DCHS2: variants seen among roughly 807,000 people sequenced by gnomAD.
The protein encoded by DCHS2 is protocadherin-23.
DCHS2 carries 142 observed loss-of-function variants against 182.4 expected under a neutral mutation model. That is an observed-to-expected ratio of 0.78 (90% CI 0.68 to 0.89). The LOEUF (loss-of-function observed/expected upper bound fraction) is 0.89, where lower values mean the gene tolerates loss of function less well. DCHS2 is among the 40% of genes least tolerant of loss of function. The pLI is 0.00. For missense variants in DCHS2, 4,319 were observed against 4,198.6 expected (o/e 1.03, Z -0.79); for synonymous variants, 1,740 against 1,663.3 (o/e 1.05, Z -1.12).
intron 1 of DCHS2, among the ~76,000 whole-genome samples, chr4:154,460,112 T>C (rs1734951934): frequency 6.6e-6 from 1 of 152,192 alleles, no homozygotes; most frequent in African/African-American, 2.4e-5. Context: ...TGAGCTTCAG[T>C]GCCTCATCTT....
intron 1 of DCHS2, among the ~76,000 whole-genome samples, chr4:154,461,908 G>C (rs1329089742): frequency 6.6e-6 from 1 of 152,148 alleles, no homozygotes; most frequent in Non-Finnish European, 1.5e-5. Flanking sequence ...ACTTTCCAAG[G>C]CTTCCCAGAA....
Position 154,298,145 on chromosome 4 carries a change from T to C in DCHS2, c.6169A>G (p.Thr2057Ala), listed in dbSNP as rs758323484. 19 of 1,613,954 alleles carry C rather than the reference T, an allele frequency of 1.2e-5. No individual in the cohort carries two copies. In the Admixed American group the frequency reaches 1.5e-4, roughly 13 times the overall value. The change falls in exon 13 of 20, where the codon ACT becomes GCT. Residue 2057 changes from threonine (T) to alanine (A), a missense_variant. Physicochemically the swap from Thr to Ala is moderately conservative, Grantham distance 58. Transcript: ENST00000357232. ...AGGTCATCAGCTCTCACAATGACAG[T>C]TGTCTGGTTTGTAGGCGACTCGGGG... ...LSPESPTNQTTVIVRADDLDL... is the reference protein window; with the variant it reads ...LSPESPTNQTAVIVRADDLDL...
At chr4:154,384,726 G>A (rs1413869933) in intron 1 of DCHS2, among the ~76,000 whole-genome samples, 1 of 152,002 alleles carries the variant, frequency 6.6e-6, no homozygotes, top group East Asian at 1.9e-4. Context: ...TGTGACCAGG[G>A]AAGCAGAGAT....
chr4:154,444,815 C>T (rs4267717), intron 1 of DCHS2, among the ~76,000 whole-genome samples: 45,827 of 152,138 alleles, frequency 0.3, 7,935 homozygotes, highest in Admixed American at 0.45. Flanking sequence ...GGCCCCTGAC[C>T]ATCTCTCCAC....
intron 13 of DCHS2, among the ~76,000 whole-genome samples, chr4:154,290,380 A>T (rs1458648598): frequency 6.6e-6 from 1 of 152,018 alleles, no homozygotes; most frequent in Non-Finnish European, 1.5e-5. Flanking sequence ...AAGCAACCTA[A>T]AGATTCAATG....
At chr4:154,332,341 C>A in intron 5 of DCHS2, 137 bp downstream of exon 5, 2 of 672,492 alleles carry the variant, frequency 3.0e-6, no homozygotes, top group Admixed American at 6.2e-5. Flanking sequence ...CATGTATGCA[C>A]TAATGCTATA....
At chr4:154,362,709 C>T (rs946876000) in intron 3 of DCHS2, among the ~76,000 whole-genome samples, 11 of 152,118 alleles carry the variant, frequency 7.2e-5, no homozygotes, top group South Asian at 4.2e-4. Context: ...CTACCACCTC[C>T]GACACCCACG....
At chr4:154,271,388 C>T (rs1004401182) in intron 13 of DCHS2, among the ~76,000 whole-genome samples, 1 of 152,084 alleles carries the variant, frequency 6.6e-6, no homozygotes, top group African/African-American at 2.4e-5. Context: ...CAATGCATAA[C>T]CAAGGGAGTG....
Position 154,491,252 on chromosome 4 carries a change from C to G in DCHS2, c.104G>C (p.Arg35Pro), listed in dbSNP as rs540887773. ...LPGRRDTPHG[R>P]SGSSGARTQR... ...CGTCCTGGCGCCGCTGCTGCCTGAC[C>G]GCCCATGGGGTGTATCTCTCCTCCC... The change falls in exon 1 of 20, where the codon CGG becomes CCG. Residue 35 changes from arginine (R) to proline (P), a missense_variant. Transcript: ENST00000357232. 1 of 1,551,380 alleles carries G rather than the reference C, an allele frequency of 6.4e-7. No individual in the cohort carries two copies. Among genetic ancestry groups the G allele is most frequent in the Non-Finnish European group, 8.7e-7 (1 of 1,146,978 alleles).
At chr4:154,395,258 T>C (rs563527758) in intron 1 of DCHS2, among the ~76,000 whole-genome samples, 1 of 152,176 alleles carries the variant, frequency 6.6e-6, no homozygotes, top group South Asian at 2.1e-4. Context: ...ATTTAAACAC[T>C]GAACACCTGC....
rs141998004 is a variant in DCHS2, at chr4:154,235,871, T to G, written c.8781A>C (p.Ser2927=). ...AAATATTTCCATTGGTTTTATTTACTGAAAAGAAAGGAGATGAGGTTCCAA... is the reference window on the plus strand; with the variant it reads ...AAATATTTCCATTGGTTTTATTTACGGAAAAGAAAGGAGATGAGGTTCCAA... ...YSLGTSSPFF[S]VNKTNGNIYL... is the part of the protein sequence containing the mutation. The change falls in exon 20 of 20, where the codon TCA becomes TCC. Residue 2927 remains serine, a synonymous_variant. Coordinates refer to ENST00000357232, the MANE Select transcript of DCHS2 (RefSeq NM_001358235.2). 5.9e-5 allele frequency: 95 copies of G among 1,613,942 alleles called. No homozygotes were observed. The highest frequency in any genetic ancestry group is 6.8e-5 in the Non-Finnish European group (80 of 1,179,978).
chr4:154,305,740 C>G (rs896284729), intron 10 of DCHS2, among the ~76,000 whole-genome samples: 1 of 152,136 alleles, frequency 6.6e-6, no homozygotes, highest in Non-Finnish European at 1.5e-5. Context: ...GTTCAGTCTG[C>G]TATCTGGAGT....
At chr4:154,341,019 G>A (rs6815049) in intron 3 of DCHS2, among the ~76,000 whole-genome samples, 86,298 of 151,990 alleles carry the variant, frequency 0.57, 24,915 homozygotes, top group Admixed American at 0.65. Context: ...GAATTTATGT[G>A]GGGGGAGAAT....
chr4:154,297,061 T>A (rs548329421), intron 13 of DCHS2, among the ~76,000 whole-genome samples: 58 of 152,284 alleles, frequency 3.8e-4, no homozygotes, highest in Non-Finnish European at 6.3e-4. Flanking sequence ...GATCTGGCAG[T>A]TTGTAATGAG....
intron 10 of DCHS2, among the ~76,000 whole-genome samples, chr4:154,309,342 A>T (rs910679337): frequency 3.3e-5 from 5 of 152,198 alleles, no homozygotes; most frequent in African/African-American, 1.2e-4. Flanking sequence ...GAAGGAGACC[A>T]AAAGTCAGAA....
intron 1 of DCHS2, among the ~76,000 whole-genome samples, chr4:154,432,389 C>G (rs1009008387): frequency 6.6e-6 from 1 of 152,006 alleles, no homozygotes; most frequent in South Asian, 2.1e-4. Flanking sequence ...TTAAAACAAG[C>G]CACATAACTT....
rs543921214 is a variant in DCHS2 at position 154,298,987 on chromosome 4, C to T, written c.5606-279G>A. Among the ~76,000 whole-genome samples the T allele has an allele frequency of 3.3e-5, 5 of 152,090 alleles. No individual in the cohort carries two copies. The South Asian group carries it at 8.3e-4, about 25-fold the overall frequency. ...ACACTTGCTTTCACTAATTTGCAGC[C>T]GTATGATTTTTTGTGTGCATCTACA... On this transcript the variant is annotated intron_variant, in intron 12 of 19. Coordinates refer to ENST00000357232, the MANE Select transcript of DCHS2 (RefSeq NM_001358235.2).
intron 13 of DCHS2, among the ~76,000 whole-genome samples, chr4:154,276,078 A>G (rs1219548399): frequency 6.6e-6 from 1 of 152,158 alleles, no homozygotes; most frequent in African/African-American, 2.4e-5. Context: ...AAGGGACTTG[A>G]ATCCTTCTTG....
intron 13 of DCHS2, among the ~76,000 whole-genome samples, chr4:154,279,996 G>C: frequency 6.6e-6 from 1 of 151,606 alleles, no homozygotes; most frequent in Admixed American, 6.6e-5. Context: ...GACAGAGACA[G>C]AGAAAGAGAG....
Sources: gnomAD v4.1 joint callset for allele counts (sites outside exome capture counted in the v4.1 genomes callset) on GRCh38, gnomAD v4.1.1 for gene constraint, MANE v1.5 for transcripts, NCBI Gene and HGNC (gene_info 2026-07-23, HGNC 2026-07-21) for gene names.